The following APBA2 variants were observed in gnomAD, a reference collection of about 807,000 sequenced individuals.
APBA2 encodes amyloid-beta A4 precursor protein-binding family A member 2.
A neutral mutation model predicts 75.0 loss-of-function variants in APBA2; 30 were observed. The observed-to-expected ratio is 0.40, with a 90% CI of 0.30 to 0.54. APBA2 has a LOEUF of 0.54. APBA2 is among the 20% of genes least tolerant of loss of function. The pLI is 0.49. For synonymous variants in APBA2, 444 were observed against 409.6 expected, an observed-to-expected ratio of 1.08 and a Z score of -1.01; for missense variants, 801 against 1,016.1, an observed-to-expected ratio of 0.79 and a Z score of 2.88.
chr15:28,963,924 A>G (rs944938854), intron 2 of APBA2, among the ~76,000 whole-genome samples: 1 of 152,156 alleles, frequency 6.6e-6, no homozygotes, highest in African/African-American at 2.4e-5. Flanking sequence ...ATTCTGTCCA[A>G]TTGCATGTGC....
chr15:29,019,639 A>AC lies in APBA2; in HGVS notation c.-41+23835dup, dbSNP rs1487453083. Reference sequence around the variant, plus strand: ...TGTTCAGAACATGGTATTGTGGAGAACCACATGACTGTACACACAGGTCTA... The same window carrying AC: ...TGTTCAGAACATGGTATTGTGGAGAACCCACATGACTGTACACACAGGTCTA... On this transcript the variant is annotated intron_variant, in intron 3 of 14. Transcript: ENST00000683413. Among the ~76,000 whole-genome samples, 5 of 152,266 alleles carry AC rather than the reference A, an allele frequency of 3.3e-5. No individual in the cohort carries two copies. The East Asian group carries it at 5.8e-4, about 18-fold the overall frequency.
intron 2 of APBA2, among the ~76,000 whole-genome samples, chr15:28,988,671 A>G (rs911472075): frequency 2.6e-5 from 4 of 152,274 alleles, no homozygotes; most frequent in African/African-American, 9.6e-5. Context: ...TTGTACAAAC[A>G]TAAGACTATT....
intron 2 of APBA2, among the ~76,000 whole-genome samples, chr15:28,939,803 C>G (rs888503825): frequency 2.6e-5 from 4 of 152,116 alleles, no homozygotes; most frequent in African/African-American, 9.7e-5. Flanking sequence ...TAGGGTGCCT[C>G]CGTGCAGCTT....
At chr15:28,902,639 G>A (rs1479885033) in intron 1 of APBA2, among the ~76,000 whole-genome samples, 1 of 152,186 alleles carries the variant, frequency 6.6e-6, no homozygotes, top group Non-Finnish European at 1.5e-5. Flanking sequence ...GCTGATGTAT[G>A]GCGATGTTAA....
intron 1 of APBA2, among the ~76,000 whole-genome samples, chr15:28,905,431 C>T (rs2033084656): frequency 6.6e-6 from 1 of 152,154 alleles, no homozygotes; most frequent in Non-Finnish European, 1.5e-5. Flanking sequence ...AAGTGCTTGT[C>T]TATTTTGTTT....
intron 2 of APBA2, among the ~76,000 whole-genome samples, chr15:28,937,646 G>A (rs1207549687): frequency 6.6e-6 from 1 of 151,808 alleles, no homozygotes; most frequent in Non-Finnish European, 1.5e-5. Flanking sequence ...GTTGGATTTA[G>A]TTTCTTTTTT....
At chr15:28,892,910 A>G (rs1389690521) in intron 1 of APBA2, among the ~76,000 whole-genome samples, 2 of 152,228 alleles carry the variant, frequency 1.3e-5, no homozygotes, top group African/African-American at 2.4e-5. Context: ...GAATGCGTGC[A>G]TTTAGGGATG....
intron 2 of APBA2, among the ~76,000 whole-genome samples, chr15:28,933,048 G>A (rs961597276): frequency 2.0e-5 from 3 of 152,134 alleles, no homozygotes; most frequent in Admixed American, 1.3e-4. Context: ...GAGCGAGAGA[G>A]GGAAGGGGGC....
intron 3 of APBA2, among the ~76,000 whole-genome samples, chr15:29,001,969 G>A (rs369106043): frequency 1.3e-5 from 2 of 152,140 alleles, no homozygotes; most frequent in African/African-American, 4.8e-5. Context: ...TGACATTAGT[G>A]TGCAAGCTGG....
intron 4 of APBA2, among the ~76,000 whole-genome samples, chr15:29,055,487 C>A (rs184939452): frequency 8.5e-5 from 13 of 152,276 alleles, no homozygotes; most frequent in African/African-American, 2.9e-4. Flanking sequence ...AGCGTGCATT[C>A]TAATAAACAC....
chr15:29,073,014 G>A (rs1362097756), intron 4 of APBA2, among the ~76,000 whole-genome samples: 1 of 152,192 alleles, frequency 6.6e-6, no homozygotes, highest in East Asian at 1.9e-4. Context: ...TCTGAAATCC[G>A]GTGGTGTCTG....
At chr15:28,909,681 T>C (rs539228119) in intron 1 of APBA2, among the ~76,000 whole-genome samples, 117 of 152,242 alleles carry the variant, frequency 7.7e-4, no homozygotes, top group African/African-American at 2.7e-3. Context: ...GCACAGAGGA[T>C]GCAAACTGGA....
intron 3 of APBA2, among the ~76,000 whole-genome samples, chr15:29,025,051 C>T (rs577893391): frequency 1.3e-5 from 2 of 152,278 alleles, no homozygotes; most frequent in South Asian, 4.1e-4. Flanking sequence ...ACTAAAAGTT[C>T]TTGGCAAGAA....
chr15:28,917,063 AG>A (rs2033717033), intron 1 of APBA2, among the ~76,000 whole-genome samples: 1 of 152,138 alleles, frequency 6.6e-6, no homozygotes, highest in Admixed American at 6.5e-5. Flanking sequence ...GAATAGAGAG[AG>A]GGGGACTCTC....
At chr15:29,052,108 G>A (rs898981684) in intron 3 of APBA2, among the ~76,000 whole-genome samples, 2 of 152,114 alleles carry the variant, frequency 1.3e-5, no homozygotes, top group Non-Finnish European at 2.9e-5. Flanking sequence ...CATGTGTAAT[G>A]TAAGAGTACA....
At chr15:29,098,347 G>T in intron 8 of APBA2, 143 bp from the exon 9 acceptor site, 1 of 707,498 alleles carries the variant, frequency 1.4e-6, no homozygotes. Flanking sequence ...CATTCTGACA[G>T]ATATGAAATG....
chr15:29,100,465 C>G (rs1409879191), intron 9 of APBA2, among the ~76,000 whole-genome samples: 1 of 152,212 alleles, frequency 6.6e-6, no homozygotes, highest in Non-Finnish European at 1.5e-5. Context: ...GCATAAAAGA[C>G]CAGTTGATTA....
chr15:28,917,260 T>C (rs1262621130), intron 1 of APBA2, among the ~76,000 whole-genome samples: 1 of 152,086 alleles, frequency 6.6e-6, no homozygotes, highest in African/African-American at 2.4e-5. Context: ...TGAACACTCC[T>C]CAATTTGGAG....
intron 1 of APBA2, among the ~76,000 whole-genome samples, chr15:28,899,754 G>T (rs531283588): frequency 6.6e-6 from 1 of 151,848 alleles, no homozygotes; most frequent in Non-Finnish European, 1.5e-5. Context: ...GTGTAGATAT[G>T]CAGAATGAGC....
Sources: allele counts gnomAD v4.1 joint callset (sites outside exome capture counted in the v4.1 genomes callset), GRCh38; gene constraint gnomAD v4.1.1; transcripts MANE v1.5; gene names NCBI Gene and HGNC (gene_info 2026-07-23, HGNC 2026-07-21).